Variants in CFDP1 observed in about 807,000 individuals in gnomAD.
CFDP1 encodes heterochromatin-stabilizing protein CFDP1.
Under a neutral mutation model 40.1 loss-of-function variants are expected in CFDP1, and 31 were observed. The ratio of observed to expected loss-of-function variants is 0.77; its 90% CI spans 0.58 to 1.04. The LOEUF is 1.04. Among genes scored for constraint, CFDP1 ranks in the 50% least tolerant of loss-of-function variants. The probability of loss-of-function intolerance (pLI) is 0.00; values close to 1 mark genes in which losing one functional copy is unlikely to be tolerated. For missense variants in CFDP1, 423 were observed against 343.4 expected (o/e 1.23, Z -1.83); for synonymous variants, 167 against 120.0 (o/e 1.39, Z -2.56).
intron 1 of CFDP1, among the ~76,000 whole-genome samples, chr16:75,417,572 A>C (rs1330078783): frequency 2.0e-5 from 3 of 152,248 alleles, no homozygotes; most frequent in Non-Finnish European, 4.4e-5. Context: ...CGACACTAGA[A>C]GGATAAACAA....
In CFDP1 at chr16:75,335,988, T is replaced by TG. The variant is rs199866753; in HGVS notation, c.651-30807dup. On this transcript the variant is annotated intron_variant, in intron 5 of 6. Transcript: ENST00000283882. ...ATGACTGACTTCAAAATGACAGAAT[T>TG]GGGGGGAAGACAATTAGAAGGGGAT... Among the ~76,000 whole-genome samples the TG allele has an allele frequency of 3.4e-3, 525 of 152,228 alleles. 3 individuals are homozygous for TG. The highest frequency in any genetic ancestry group is 0.012 in the African/African-American group (512 of 41,540).
At chr16:75,343,320 T>C (rs192690741) in intron 5 of CFDP1, among the ~76,000 whole-genome samples, 195 of 152,272 alleles carry the variant, frequency 1.3e-3, no homozygotes, top group Admixed American at 2.4e-3. Flanking sequence ...ATGTTCTCTC[T>C]TGCTGAATAG....
chr16:75,412,660 C>A lies in CFDP1; in HGVS notation c.277G>T (p.Ala93Ser), dbSNP rs1162980394. Residue 93 changes from alanine (A) to serine (S), a missense_variant, in exon 3 of 7, where the codon GCT becomes TCT. Ala to Ser is a moderately conservative substitution (Grantham distance 99, BLOSUM62 1). Coordinates refer to ENST00000283882, the MANE Select transcript of CFDP1 (RefSeq NM_006324.3). The stretch of plus-strand genomic sequence containing the variant: ...CCAATGCCTTTTTCCTGCTCTGCAG[C>A]GTCATCTTCCTCCTCACTACTGCTT... ...EGSSSEEEDD[A>S]AEQEKGIGSE... 1 of 1,614,108 alleles carries A rather than the reference C, an allele frequency of 6.2e-7. No individual in the cohort carries two copies. The highest frequency in any genetic ancestry group is 8.5e-7 in the Non-Finnish European group (1 of 1,180,008).
rs764516878 is a variant in CFDP1, at chr16:75,293,907, C to T, written c.*45G>A. On this transcript the variant is annotated 3_prime_UTR_variant, in exon 7 of 7. Coordinates refer to ENST00000283882, the MANE Select transcript of CFDP1 (RefSeq NM_006324.3). ...ACATTTCACAGACGCACAAAAAGCT[C>T]ACATTGTAAACAGGATTAAGCTGCT... The T allele has an allele frequency of 6.7e-7, 1 of 1,482,054 alleles. No homozygotes were observed. The highest frequency in any genetic ancestry group is 1.7e-5 in the Admixed American group (1 of 59,340). The allele number at this position is 1,482,054 out of a possible 1,614,324, so 91.8% of individuals were successfully genotyped here. A position where few individuals can be genotyped will look rare whatever the true frequency, so the allele number is the denominator to read the frequency against.
At chr16:75,331,698 T>C (rs1028980218) in intron 5 of CFDP1, among the ~76,000 whole-genome samples, 4 of 118,526 alleles carry the variant, frequency 3.4e-5, no homozygotes, top group South Asian at 6.5e-4. Flanking sequence ...TTCATCCATG[T>C]TGTGTGTTCC....
intron 5 of CFDP1, among the ~76,000 whole-genome samples, chr16:75,360,912 G>A (rs2078675953): frequency 6.6e-6 from 1 of 152,118 alleles, no homozygotes; most frequent in African/African-American, 2.4e-5. Flanking sequence ...GAAATAGTAA[G>A]AAACAGCAGT....
intron 5 of CFDP1, chr16:75,379,706 T>A (rs1020154573): frequency 1.3e-5 from 2 of 152,118 alleles, no homozygotes; most frequent in African/African-American, 4.8e-5. Flanking sequence ...AATGTAAATA[T>A]CCCAGTTGTA....
At chr16:75,384,854 ATATATATATATATATATATATAT>A (rs2078880299) in intron 5 of CFDP1, among the ~76,000 whole-genome samples, 4 of 124,860 alleles carry the variant, frequency 3.2e-5, no homozygotes, top group East Asian at 2.3e-4. Flanking sequence ...AACTAAAACT[ATATATATATATATATATATATAT>A]ATATATATAT....
In CFDP1 at chr16:75,301,536, C is replaced by CTTT. The variant is rs546724752; in HGVS notation, c.809+3485_809+3487dup. Among the ~76,000 whole-genome samples, 22 of 53,966 alleles carry CTTT rather than the reference C, an allele frequency of 4.1e-4. 2 individuals carry two copies. Among genetic ancestry groups the CTTT allele is most frequent in the African/African-American group, 9.0e-4 (13 of 14,506 alleles). The allele number at this position is 53,966 out of a possible 152,430, so 35.4% of individuals were successfully genotyped here. On this transcript the variant is annotated intron_variant, in intron 6 of 6. Transcript: ENST00000283882. ...TCTCAACATTAGAGTTTTGTTGTGT[C>CTTT]TTTTTTTTTTTTTTTTTTTTTTTTT...
intron 5 of CFDP1, among the ~76,000 whole-genome samples, chr16:75,391,923 G>A (rs551283504): frequency 1.3e-5 from 2 of 152,044 alleles, no homozygotes; most frequent in East Asian, 1.9e-4. Context: ...AGCCGAGATC[G>A]CGCCACTGCA....
chr16:75,327,252 G>T (rs769945422), intron 5 of CFDP1, among the ~76,000 whole-genome samples: 4 of 152,132 alleles, frequency 2.6e-5, no homozygotes, highest in Non-Finnish European at 5.9e-5. Flanking sequence ...GGACGACAGT[G>T]CAAGACTCTG....
intron 5 of CFDP1, among the ~76,000 whole-genome samples, chr16:75,387,599 C>A (rs1307420834): frequency 6.6e-6 from 1 of 152,190 alleles, no homozygotes; most frequent in Non-Finnish European, 1.5e-5. Context: ...TATCCTGGAA[C>A]AAATGGCCAC....
At chr16:75,303,400 A>AATGAATGAATGTATGTATGTATGTATGT (rs55834001) in intron 6 of CFDP1, among the ~76,000 whole-genome samples, 7 of 146,168 alleles carry the variant, frequency 4.8e-5, no homozygotes, top group East Asian at 4.0e-4. Flanking sequence ...TAAATAAATA[A>AATGAATGAATGTATGTATGTATGTATGT]ATGTATGTAT....
intron 5 of CFDP1, among the ~76,000 whole-genome samples, chr16:75,363,914 ATAGTC>A (rs2151533553): frequency 6.7e-6 from 1 of 148,904 alleles, no homozygotes; most frequent in East Asian, 2.0e-4. Flanking sequence ...CAGGAAGTTA[ATAGTC>A]TAGTGGGGGA....
At chr16:75,376,295 T>A (rs1478952547) in intron 5 of CFDP1, among the ~76,000 whole-genome samples, 1 of 152,104 alleles carries the variant, frequency 6.6e-6, no homozygotes, top group Non-Finnish European at 1.5e-5. Context: ...GGTATTTAGG[T>A]ACCCAAGATA....
At chr16:75,410,550 G>A (rs2079150998) in intron 4 of CFDP1, among the ~76,000 whole-genome samples, 1 of 152,072 alleles carries the variant, frequency 6.6e-6, no homozygotes, top group Admixed American at 6.6e-5. Flanking sequence ...AAGGCAGGCG[G>A]ATCACGAGGT....
intron 1 of CFDP1, among the ~76,000 whole-genome samples, chr16:75,428,257 A>G (rs1184408371): frequency 6.6e-6 from 1 of 152,136 alleles, no homozygotes; most frequent in Non-Finnish European, 1.5e-5. Context: ...TATTGTATGT[A>G]AGTTAAAAAT....
intron 1 of CFDP1, among the ~76,000 whole-genome samples, chr16:75,425,390 CAAAAAAA>C (rs34282121): frequency 4.0e-5 from 4 of 99,048 alleles, no homozygotes; most frequent in African/African-American, 1.3e-4. Flanking sequence ...CCATCCCCCT[CAAAAAAA>C]AAAAAAAAAA....
At chr16:75,316,491 G>A (rs527996797) in intron 5 of CFDP1, among the ~76,000 whole-genome samples, 7 of 146,652 alleles carry the variant, frequency 4.8e-5, no homozygotes, top group Admixed American at 3.5e-4. Context: ...GATCGCTTAC[G>A]CCTAGGAGTT....
Sources: allele counts gnomAD v4.1 joint callset (sites outside exome capture counted in the v4.1 genomes callset), GRCh38; gene constraint gnomAD v4.1.1; transcripts MANE v1.5; gene names NCBI Gene and HGNC (gene_info 2026-07-23, HGNC 2026-07-21).